The following MXI1 variants were observed in gnomAD, a reference collection of about 807,000 sequenced individuals.
MXI1 encodes MAX interactor 1, dimerization protein.
MXI1 carries 18 observed loss-of-function variants against 36.9 expected under a neutral mutation model. The observed-to-expected ratio is 0.49, with a 90% CI of 0.34 to 0.72. MXI1 has a LOEUF of 0.72. Among genes scored for constraint, MXI1 ranks in the 30% least tolerant of loss-of-function variants. The probability of loss-of-function intolerance (pLI) is 0.01; values close to 1 mark genes in which losing one functional copy is unlikely to be tolerated. For synonymous variants in MXI1, 160 were observed against 146.7 expected (o/e 1.09, Z -0.65); for missense variants, 304 against 379.1 (o/e 0.80, Z 1.64).
chr10:110,215,123 C>T (rs1854605960), intron 1 of MXI1, among the ~76,000 whole-genome samples: 1 of 146,802 alleles, frequency 6.8e-6, no homozygotes, highest in South Asian at 2.2e-4. Flanking sequence ...CTCACTGCAA[C>T]CTCCACCTCC....
rs1857410505 is a variant in MXI1 at position 110,285,605 on chromosome 10, T to C, written c.*618T>C. 6.6e-6 allele frequency: 1 copy of C among 152,248 alleles called. No homozygotes were observed. Among genetic ancestry groups the C allele is most frequent in the African/African-American group, 2.4e-5 (1 of 41,402 alleles). 9.4% of individuals were successfully genotyped at this position (152,248 alleles called of 1,614,324 possible). Reference sequence around the variant, plus strand: ...CCATGAAGCCTTTTGAAAGGGATCATCATGCAGCTCAACTTTCTGTTGGAT... The same window carrying C: ...CCATGAAGCCTTTTGAAAGGGATCACCATGCAGCTCAACTTTCTGTTGGAT... On this transcript the variant is annotated 3_prime_UTR_variant, in exon 6 of 6. Coordinates refer to ENST00000332674, the MANE Select transcript of MXI1 (RefSeq NM_130439.3).
intron 1 of MXI1, chr10:110,227,593 G>A: frequency 1.0e-6 from 1 of 968,620 alleles, no homozygotes; most frequent in Non-Finnish European, 1.2e-6. Flanking sequence ...GGGGGTCAGG[G>A]GAAGGGACGA....
intron 2 of MXI1, among the ~76,000 whole-genome samples, chr10:110,235,362 C>T (rs1855419344): frequency 6.6e-6 from 1 of 151,968 alleles, no homozygotes; most frequent in South Asian, 2.1e-4. Flanking sequence ...TAAATTATTG[C>T]CTCAGTTTCA....
At chr10:110,229,092 C>T (rs193033188) in intron 2 of MXI1, among the ~76,000 whole-genome samples, 1 of 152,314 alleles carries the variant, frequency 6.6e-6, no homozygotes, top group East Asian at 1.9e-4. Flanking sequence ...ATGTAGCTGA[C>T]TTCCATTTTT....
At position 110,270,306 on chromosome 10, in the gene MXI1, G is replaced by A. The variant is rs567627565; in HGVS notation, c.438-8874G>A. Among the ~76,000 whole-genome samples the A allele has an allele frequency of 1.2e-4, 19 of 152,256 alleles. No homozygotes were observed. In the South Asian group the frequency reaches 3.5e-3, roughly 28 times the overall value. On this transcript the variant is annotated intron_variant, in intron 3 of 5. Coordinates refer to ENST00000332674, the MANE Select transcript of MXI1 (RefSeq NM_130439.3). ...AATCCTTATAAACAGATAAGAGAGG[G>A]GAAGTATGCATAGAAACTAAATTTA...
At chr10:110,261,340 T>C (rs772761764) in intron 3 of MXI1, among the ~76,000 whole-genome samples, 7 of 152,094 alleles carry the variant, frequency 4.6e-5, no homozygotes, top group Non-Finnish European at 7.4e-5. Flanking sequence ...TAGATAGTTA[T>C]GCTGTGTTTA....
rs139287395 is a variant in MXI1, at chr10:110,265,311, C to T, written c.438-13869C>T. 3.1e-4 allele frequency among the ~76,000 whole-genome samples: 47 copies of T among 152,258 alleles called. No individual in the cohort carries two copies. In the East Asian group the frequency reaches 8.3e-3, roughly 27 times the overall value. ...CTTTAGATGACATAACAAGGAAATACGTTAAAACTTTAGATTTAGGGTTTG... is the reference window on the plus strand; with the variant it reads ...CTTTAGATGACATAACAAGGAAATATGTTAAAACTTTAGATTTAGGGTTTG... On this transcript the variant is annotated intron_variant, in intron 3 of 5. Transcript: ENST00000332674.
At chr10:110,208,302 C>T (rs1012674618) in intron 1 of MXI1, 4 of 427,964 alleles carry the variant, frequency 9.3e-6, no homozygotes, top group African/African-American at 8.6e-5. Context: ...GTCGGTGCGT[C>T]GGTCTGTCCT....
At chr10:110,233,939 G>C (rs2050996) in intron 2 of MXI1, among the ~76,000 whole-genome samples, 13,405 of 152,188 alleles carry the variant, frequency 0.088, 1,099 homozygotes, top group East Asian at 0.29. Flanking sequence ...AGGCATTTTT[G>C]TCAAAATATT....
At chr10:110,208,436 T>C (rs1854416799) in intron 1 of MXI1, 1 of 169,796 alleles carries the variant, frequency 5.9e-6, no homozygotes. Context: ...TTTTTTTTTT[T>C]TTCCGGAGCC....
Position 110,208,037 on chromosome 10 carries a change from C to T in MXI1, c.229C>T (p.Leu77Phe). ...NTFLQNVQILLEAASYLEQIE... is the reference protein window; with the variant it reads ...NTFLQNVQILFEAASYLEQIE... ...TTTTCTGCAGAACGTGCAGATTCTG[C>T]TCGAGGCCGCCAGCTACCTGGAGCA... The change falls in exon 1 of 6, where the codon CTC (leucine) becomes TTC (phenylalanine). Residue 77 changes from leucine (L) to phenylalanine (F), a missense_variant. Physicochemically the swap from Leu to Phe is conservative, Grantham distance 22. Around this residue, in one of 2 missense-constraint regions of MXI1, gnomAD observed 179 missense variants for 184.8 expected, o/e 0.97. Coordinates refer to ENST00000332674, the MANE Select transcript of MXI1 (RefSeq NM_130439.3). 1 of 1,603,074 alleles carries T rather than the reference C, an allele frequency of 6.2e-7. No homozygotes were observed. Among genetic ancestry groups the T allele is most frequent in the Non-Finnish European group, 8.5e-7 (1 of 1,174,848 alleles).
chr10:110,285,239 C>T lies in MXI1; in HGVS notation c.*252C>T, dbSNP rs969366065. ...GAAAAATCACAATTTTTAATGGCAG[C>T]AGAAAACTTGTGTGAAATTTTCTTG... On this transcript the variant is annotated 3_prime_UTR_variant, in exon 6 of 6. Transcript: ENST00000332674. 3 of 332,322 alleles carry T rather than the reference C, an allele frequency of 9.0e-6. No individual in the cohort carries two copies. The highest frequency in any genetic ancestry group is 1.6e-5 in the Non-Finnish European group (3 of 184,458). 20.6% of individuals were successfully genotyped at this position (332,322 alleles called of 1,614,324 possible).
rs568700636 is a variant in MXI1, at chr10:110,228,210, C to T, written c.296C>T (p.Ser99Phe). 8.1e-6 allele frequency: 13 copies of T among 1,614,126 alleles called. No homozygotes were observed. In the South Asian group the frequency reaches 1.1e-4, roughly 14 times the overall value. The change falls in exon 2 of 6, where the codon TCT (serine) becomes TTT (phenylalanine). Residue 99 changes from serine (S) to phenylalanine (F), a missense_variant. Physicochemically the swap from Ser to Phe is radical, Grantham distance 155. This residue lies in a region of MXI1 where 179 missense variants were observed against 184.8 expected (regional missense o/e 0.97). Transcript: ENST00000332674. ...ENKKCEHGYA[S>F]SFPSMPSPRL... ...TCAGAGTGTGAACATGGCTACGCCT[C>T]TTCATTCCCGTCCATGCCGAGCCCC... is the stretch of plus-strand genomic sequence containing the variant.
chr10:110,237,263 A>T (rs1370289287), intron 2 of MXI1, among the ~76,000 whole-genome samples: 1 of 152,214 alleles, frequency 6.6e-6, no homozygotes, highest in Non-Finnish European at 1.5e-5. Flanking sequence ...GAGAGTGGAC[A>T]TTCTTGCCCT....
chr10:110,241,407 G>C (rs1287688517), intron 2 of MXI1, among the ~76,000 whole-genome samples: 1 of 151,892 alleles, frequency 6.6e-6, no homozygotes, highest in Non-Finnish European at 1.5e-5. Flanking sequence ...ATATTTCAAT[G>C]GAACATTATT....
At chr10:110,225,894 G>A in intron 1 of MXI1, 1 of 567,330 alleles carries the variant, frequency 1.8e-6, no homozygotes, top group East Asian at 1.4e-4. Context: ...CGGCAGCCGC[G>A]GGCGGGTGCG....
chr10:110,217,683 G>A (rs868476842), intron 1 of MXI1, among the ~76,000 whole-genome samples: 14 of 152,190 alleles, frequency 9.2e-5, no homozygotes, highest in Middle Eastern at 3.2e-3. Flanking sequence ...AAACCTGCCA[G>A]GGAGCCAAGC....
intron 3 of MXI1, among the ~76,000 whole-genome samples, chr10:110,264,890 A>G (rs1856635538): frequency 6.6e-6 from 1 of 152,238 alleles, no homozygotes; most frequent in African/African-American, 2.4e-5. Context: ...ATTGATTTTT[A>G]AACATTAGCT....
Position 110,284,819 on chromosome 10 carries a change from G to T in MXI1, c.725-5G>T, listed in dbSNP as rs11195067. 4.4e-3 allele frequency: 6,795 copies of T among 1,549,852 alleles called. 88 individuals are homozygous for T. The highest frequency in any genetic ancestry group is 0.044 in the East Asian group (1,848 of 42,380). On this transcript the variant is annotated splice_polypyrimidine_tract_variant and splice_region_variant and intron_variant, in intron 5 of 5. Transcript: ENST00000332674. ...TGTTCTTCTTTTTTTTTTTTCCTTT[G>T]GCAGAGGAGATTGAAGTGGATGTTG...
Sources: allele counts gnomAD v4.1 joint callset (sites outside exome capture counted in the v4.1 genomes callset), GRCh38; gene constraint gnomAD v4.1.1; regional missense constraint gnomAD v4.1.1; transcripts MANE v1.5; gene names NCBI Gene and HGNC (gene_info 2026-07-23, HGNC 2026-07-21).